The following RGS7 variants were observed in gnomAD, a reference collection of about 807,000 sequenced individuals.
The protein encoded by RGS7 is regulator of G protein signaling 7.
Under a neutral mutation model 81.1 loss-of-function variants are expected in RGS7, and 27 were observed. That is an observed-to-expected ratio of 0.33 (90% CI 0.25 to 0.46). The LOEUF (loss-of-function observed/expected upper bound fraction) is 0.46, where lower values mean the gene tolerates loss of function less well. Among genes scored for constraint, RGS7 ranks in the 20% least tolerant of loss-of-function variants. RGS7 has a pLI of 1.00. For missense variants in RGS7, 396 were observed against 607.4 expected, an observed-to-expected ratio of 0.65 and a Z score of 3.66; for synonymous variants, 208 against 207.7, an observed-to-expected ratio of 1.00 and a Z score of -0.01.
At chr1:240,823,012 A>G in intron 10 of RGS7, 1 of 529,796 alleles carries the variant, frequency 1.9e-6, no homozygotes, top group East Asian at 3.2e-5. Context: ...CCTGGAAGAA[A>G]TTGTCTTGAG....
chr1:241,016,576 AAAC>A (rs1558601032), intron 3 of RGS7, among the ~76,000 whole-genome samples: 3 of 152,098 alleles, frequency 2.0e-5, no homozygotes, highest in African/African-American at 4.8e-5. Context: ...AACAAAAAAA[AAAC>A]CCCATAACAA....
chr1:241,294,831 C>T (rs926296996), intron 2 of RGS7, among the ~76,000 whole-genome samples: 1 of 152,080 alleles, frequency 6.6e-6, no homozygotes, highest in Non-Finnish European at 1.5e-5. Flanking sequence ...TAGGAGCAGG[C>T]TATACCATAA....
At chr1:241,207,469 T>C (rs909804902) in intron 2 of RGS7, among the ~76,000 whole-genome samples, 2 of 151,926 alleles carry the variant, frequency 1.3e-5, no homozygotes, top group East Asian at 3.9e-4. Context: ...CACCTATATA[T>C]TCCAGGCACT....
At chr1:240,946,423 T>G (rs1427890737) in intron 4 of RGS7, among the ~76,000 whole-genome samples, 1 of 152,034 alleles carries the variant, frequency 6.6e-6, no homozygotes, top group Non-Finnish European at 1.5e-5. Flanking sequence ...GACATCATAG[T>G]GAGACTCCAT....
intron 2 of RGS7, among the ~76,000 whole-genome samples, chr1:241,171,756 T>G (rs1384679581): frequency 1.3e-5 from 2 of 152,202 alleles, no homozygotes; most frequent in Non-Finnish European, 2.9e-5. Flanking sequence ...TGGGAAGAAC[T>G]CCAGCTTTCT....
chr1:241,339,006 C>T (rs2148688248), intron 2 of RGS7, among the ~76,000 whole-genome samples: 1 of 152,152 alleles, frequency 6.6e-6, no homozygotes, highest in Non-Finnish European at 1.5e-5. Context: ...GGTATTAAGC[C>T]CAACATGCAT....
At position 241,197,458 on chromosome 1, in the gene RGS7, T is replaced by G. The variant is rs1226029122; in HGVS notation, c.79-98696A>C. The stretch of plus-strand genomic sequence containing the variant: ...TTTAGTAGAGACGGGGTTTCACCGT[T>G]TTAGCCGGGATGGTCTCGATCTCCT... On this transcript the variant is annotated intron_variant, in intron 2 of 18. Coordinates refer to ENST00000440928, the MANE Select transcript of RGS7 (RefSeq NM_001364886.1). Among the ~76,000 whole-genome samples the G allele has an allele frequency of 4.4e-4, 20 of 45,264 alleles. 10 individuals carry two copies. Among genetic ancestry groups the G allele is most frequent in the Non-Finnish European group, 5.0e-4 (10 of 20,132 alleles). The allele number at this position is 45,264 out of a possible 152,430, so 29.7% of individuals were successfully genotyped here.
At chr1:240,809,781 T>C (rs1689524228) in intron 14 of RGS7, among the ~76,000 whole-genome samples, 1 of 152,216 alleles carries the variant, frequency 6.6e-6, no homozygotes, top group African/African-American at 2.4e-5. Flanking sequence ...AATCTACATC[T>C]TTCATTTATC....
At chr1:240,960,481 A>G (rs1408739017) in intron 4 of RGS7, among the ~76,000 whole-genome samples, 2 of 147,612 alleles carry the variant, frequency 1.4e-5, no homozygotes, top group South Asian at 2.1e-4. Context: ...AGCTCAAGTG[A>G]TCTTCCCGCC....
intron 4 of RGS7, among the ~76,000 whole-genome samples, chr1:240,952,790 A>G (rs261847): frequency 0.99 from 149,807 of 151,970 alleles, 73,878 homozygotes; most frequent in East Asian, 1. Flanking sequence ...CTATACATGT[A>G]TATAATAAAC....
chr1:241,052,418 G>T (rs1398586888), intron 3 of RGS7, among the ~76,000 whole-genome samples: 1 of 152,076 alleles, frequency 6.6e-6, no homozygotes, highest in Non-Finnish European at 1.5e-5. Flanking sequence ...TTCCAGTCAG[G>T]GATAAGAGCA....
intron 4 of RGS7, among the ~76,000 whole-genome samples, chr1:240,943,547 G>A (rs1468155243): frequency 6.6e-6 from 1 of 152,190 alleles, no homozygotes; most frequent in Non-Finnish European, 1.5e-5. Context: ...AGTAGCTAGT[G>A]TTGCTCTGGG....
At chr1:240,966,006 A>G (rs139093487) in intron 4 of RGS7, among the ~76,000 whole-genome samples, 2 of 152,262 alleles carry the variant, frequency 1.3e-5, no homozygotes, top group African/African-American at 4.8e-5. Flanking sequence ...TGTGCTTAAT[A>G]GCTCTTCGTC....
At chr1:240,901,075 G>A (rs1558437969) in intron 6 of RGS7, among the ~76,000 whole-genome samples, 1 of 152,210 alleles carries the variant, frequency 6.6e-6, no homozygotes, top group South Asian at 2.1e-4. Context: ...GGCTCCGTGG[G>A]TGTGGGACCC....
At chr1:241,324,033 G>A (rs2081353842) in intron 2 of RGS7, among the ~76,000 whole-genome samples, 1 of 152,174 alleles carries the variant, frequency 6.6e-6, no homozygotes, top group Non-Finnish European at 1.5e-5. Context: ...TAATAGCAAT[G>A]CCTCAAAGGG....
chr1:241,237,800 C>T (rs766614612), intron 2 of RGS7, among the ~76,000 whole-genome samples: 78 of 152,234 alleles, frequency 5.1e-4, no homozygotes, highest in Non-Finnish European at 6.6e-4. Context: ...CAGACACCAC[C>T]GTTCGAGTAT....
chr1:241,211,929 A>T (rs1326681082), intron 2 of RGS7, among the ~76,000 whole-genome samples: 1 of 152,204 alleles, frequency 6.6e-6, no homozygotes, highest in Admixed American at 6.5e-5. Flanking sequence ...GACAAGTTAT[A>T]CAAGTATAAA....
chr1:241,043,182 T>C (rs2060716940), intron 3 of RGS7, among the ~76,000 whole-genome samples: 1 of 152,136 alleles, frequency 6.6e-6, no homozygotes, highest in Non-Finnish European at 1.5e-5. Context: ...ATCTATTTCC[T>C]GAGTCTTTAA....
chr1:240,782,508 G>C (rs893693281), intron 18 of RGS7, among the ~76,000 whole-genome samples: 1 of 152,014 alleles, frequency 6.6e-6, no homozygotes, highest in Non-Finnish European at 1.5e-5. Flanking sequence ...CTGCAGCTTC[G>C]ACCTCCCAGG....
Sources: allele counts gnomAD v4.1 joint callset (sites outside exome capture counted in the v4.1 genomes callset), GRCh38; gene constraint gnomAD v4.1.1; transcripts MANE v1.5; gene names NCBI Gene and HGNC (gene_info 2026-07-23, HGNC 2026-07-21).